MASTL: variants seen among roughly 807,000 people sequenced by gnomAD.
MASTL encodes microtubule associated serine/threonine kinase like.
A neutral mutation model predicts 82.5 loss-of-function variants in MASTL; 54 were observed. The observed-to-expected ratio is 0.65, with a 90% CI of 0.53 to 0.82. The LOEUF (loss-of-function observed/expected upper bound fraction) is 0.82. MASTL is among the 40% of genes least tolerant of loss of function. The pLI is 0.00. For missense variants in MASTL, 950 were observed against 1,047.8 expected (o/e 0.91, Z 1.29); for synonymous variants, 323 against 368.9 (o/e 0.88, Z 1.43).
chr10:27,179,222 G>A (rs777018510), intron 9 of MASTL, among the ~76,000 whole-genome samples: 139 of 152,136 alleles, frequency 9.1e-4, no homozygotes, highest in Non-Finnish European at 1.5e-3. Context: ...GTATAAACCA[G>A]TTTATAGTTT....
At chr10:27,171,572 TA>T (rs34842077) in intron 8 of MASTL, among the ~76,000 whole-genome samples, 90,944 of 150,572 alleles carry the variant, frequency 0.6, 27,715 homozygotes, top group Non-Finnish European at 0.65. Context: ...GCTGGGATTA[TA>T]AGGGGCCCAC....
Position 27,155,541 on chromosome 10 carries a change from A to AGGAATTC in MASTL, c.115_116insGGAATTC (p.Lys39ArgfsTer6). 3 of 1,614,216 alleles carry AGGAATTC rather than the reference A, an allele frequency of 1.9e-6. No homozygotes were observed. Among genetic ancestry groups the AGGAATTC allele is most frequent in the Non-Finnish European group, 2.5e-6 (3 of 1,180,024 alleles). On this transcript the variant is annotated frameshift_variant, in exon 1 of 12. Coordinates refer to ENST00000375940, the MANE Select transcript of MASTL (RefSeq NM_001172303.3). LOFTEE classifies it high-confidence loss of function. ...CTCCATTGAGGAATTCAGCATAGTG[A>AGGAATTC]AGCCCATTAGCCGGGGCGCCTTCGG...
At chr10:27,172,188 CT>C (rs1313041820) in intron 8 of MASTL, among the ~76,000 whole-genome samples, 1 of 152,102 alleles carries the variant, frequency 6.6e-6, no homozygotes, top group East Asian at 1.9e-4. Flanking sequence ...CAAAGTTTTA[CT>C]TTTTTTCTTC....
At chr10:27,155,072 A>G (rs1588628618), upstream of MASTL, 1 of 285,640 alleles carries the variant, frequency 3.5e-6, no homozygotes, top group Non-Finnish European at 6.7e-6. Context: ...ACCGCTTCCC[A>G]CCAGCCTCGT....
At chr10:27,161,020 C>G in intron 3 of MASTL, 74 bp from the exon 4 acceptor site, 1 of 998,782 alleles carries the variant, frequency 1.0e-6, no homozygotes. Context: ...CTTTGTAACT[C>G]TTTTTTTCTG....
intron 9 of MASTL, among the ~76,000 whole-genome samples, chr10:27,178,097 A>G (rs2058158569): frequency 6.6e-6 from 1 of 152,192 alleles, no homozygotes; most frequent in Admixed American, 6.6e-5. Context: ...GTATTGATAC[A>G]AATATTAAAA....
At chr10:27,179,060 A>G (rs1055870321) in intron 9 of MASTL, among the ~76,000 whole-genome samples, 2 of 152,200 alleles carry the variant, frequency 1.3e-5, no homozygotes, top group African/African-American at 4.8e-5. Flanking sequence ...GTTTAACCAC[A>G]GTAAAGAATT....
intron 11 of MASTL, among the ~76,000 whole-genome samples, chr10:27,185,109 C>A (rs775196787): frequency 1.3e-5 from 2 of 152,050 alleles, no homozygotes; most frequent in African/African-American, 2.4e-5. Flanking sequence ...CTTGAAGTCA[C>A]CATGAAGGAT....
intron 11 of MASTL, among the ~76,000 whole-genome samples, chr10:27,183,835 C>T (rs985360971): frequency 1.3e-5 from 2 of 152,048 alleles, no homozygotes; most frequent in Admixed American, 6.6e-5. Context: ...CCTCAGCCTC[C>T]CAAGTAGCTG....
At chr10:27,160,498 T>A (rs1372491793) in intron 3 of MASTL, among the ~76,000 whole-genome samples, 1 of 151,858 alleles carries the variant, frequency 6.6e-6, no homozygotes, top group Non-Finnish European at 1.5e-5. Context: ...TACCTATAAT[T>A]CCAGCACTTT....
chr10:27,180,667 C>T (rs971606202), intron 9 of MASTL, among the ~76,000 whole-genome samples: 3 of 152,100 alleles, frequency 2.0e-5, no homozygotes, highest in African/African-American at 7.2e-5. Context: ...GCCAGGATTA[C>T]AGGCATAAGC....
chr10:27,170,407 G>A lies in MASTL; in HGVS notation c.1448G>A (p.Gly483Asp), dbSNP rs1418997211. ...AATTGTTATACAAATCAAAATACAG[G>A]CTTAACAGTTGAAGTGCAGGACCTT... ...MTNCYTNQNT[G>D]LTVEVQDLKL... Residue 483 changes from glycine (G) to aspartate (D), a missense_variant, in exon 8 of 12, where the codon GGC becomes GAC. Physicochemically the swap from Gly to Asp is moderately conservative, Grantham distance 94. Coordinates refer to ENST00000375940, the MANE Select transcript of MASTL (RefSeq NM_001172303.3). 1 of 1,614,040 alleles carries A rather than the reference G, an allele frequency of 6.2e-7. No individual in the cohort carries two copies. The highest frequency in any genetic ancestry group is 8.5e-7 in the Non-Finnish European group (1 of 1,179,972).
intron 11 of MASTL, among the ~76,000 whole-genome samples, chr10:27,185,259 G>A (rs1245077709): frequency 6.6e-6 from 1 of 152,152 alleles, no homozygotes; most frequent in Non-Finnish European, 1.5e-5. Flanking sequence ...ATTCATCATG[G>A]AAGATCAATG....
chr10:27,185,945 C>T (rs750595221), intron 11 of MASTL, among the ~76,000 whole-genome samples: 6 of 152,014 alleles, frequency 3.9e-5, no homozygotes, highest in Non-Finnish European at 7.4e-5. Context: ...CAAAATTAGC[C>T]TGGTGTGGTG....
chr10:27,181,001 TAAC>T lies in MASTL; in HGVS notation c.2317_2319del (p.Thr773del), dbSNP rs2058259187. ...CTTGGAGTTTGCTTGTTTGAATTTC[TAAC>T]AGGAATTCCCCCTTTCAATGATGAA... On this transcript the variant is annotated inframe_deletion, in exon 10 of 12. Transcript: ENST00000375940. 1 of 1,613,884 alleles carries T rather than the reference TAAC, an allele frequency of 6.2e-7. No homozygotes were observed. The highest frequency in any genetic ancestry group is 8.5e-7 in the Non-Finnish European group (1 of 1,179,712).
intron 1 of MASTL, among the ~76,000 whole-genome samples, 171 bp from the exon 2 acceptor site, chr10:27,158,378 G>A (rs2057461983): frequency 6.6e-6 from 1 of 152,138 alleles, no homozygotes; most frequent in Admixed American, 6.6e-5. Context: ...GTAGTCATGT[G>A]TGCCAGTAGT....
At position 27,173,095 on chromosome 10, in the gene MASTL, CTCTTAAACCCTTTTTGAA is replaced by C. The variant is rs2058001619; in HGVS notation, c.2125-21_2125-4del. The stretch of plus-strand genomic sequence containing the variant: ...TAAAAGGAATTAAGATATTTGTTAT[CTCTTAAACCCTTTTTGAA>C]TTAGCAGACCCCAAATCAGATCAAG... On this transcript the variant is annotated splice_region_variant and splice_polypyrimidine_tract_variant and intron_variant, in intron 8 of 11. Coordinates refer to ENST00000375940, the MANE Select transcript of MASTL (RefSeq NM_001172303.3). 4 of 1,613,148 alleles carry C rather than the reference CTCTTAAACCCTTTTTGAA, an allele frequency of 2.5e-6. No homozygotes were observed. The highest frequency in any genetic ancestry group is 3.4e-6 in the Non-Finnish European group (4 of 1,179,202).
At chr10:27,181,826 GC>G (rs1255027815) in intron 11 of MASTL, among the ~76,000 whole-genome samples, 5 of 152,220 alleles carry the variant, frequency 3.3e-5, no homozygotes, top group Non-Finnish European at 7.4e-5. Flanking sequence ...TGTAATCCAA[GC>G]ACTCTGGTAG....
Position 27,167,250 on chromosome 10 carries a change from T to C in MASTL, c.960T>C (p.Ser320=), listed in dbSNP as rs2057771721. ...ISSVESECHS[S]PKWEKDCQES... ...GTGTGGAATCAGAATGCCACAGCAG[T>C]CCCAAATGGGAAAAAGATTGCCAGG... is the stretch of plus-strand genomic sequence containing the variant. The change falls in exon 7 of 12, where the codon AGT becomes AGC. Residue 320 remains serine, a synonymous_variant. Coordinates refer to ENST00000375940, the MANE Select transcript of MASTL (RefSeq NM_001172303.3). The C allele has an allele frequency of 6.2e-7, 1 of 1,613,988 alleles. No homozygotes were observed. Among genetic ancestry groups the C allele is most frequent in the Non-Finnish European group, 8.5e-7 (1 of 1,179,968 alleles).
Sources: gnomAD v4.1 joint callset for allele counts (sites outside exome capture counted in the v4.1 genomes callset) on GRCh38, gnomAD v4.1.1 for gene constraint, MANE v1.5 for transcripts, NCBI Gene and HGNC (gene_info 2026-07-23, HGNC 2026-07-21) for gene names.